SYN2: variants seen among roughly 807,000 people sequenced by gnomAD.
The protein encoded by SYN2 is synapsin II, also known as synapsin-2.
Under a neutral mutation model 50.9 loss-of-function variants are expected in SYN2, and 19 were observed. The observed-to-expected ratio is 0.37, with a 90% CI of 0.26 to 0.55. The LOEUF is 0.55. Ranked by LOEUF, SYN2 falls within the 20% of genes least tolerant of loss-of-function variation. The pLI, the probability that SYN2 is intolerant of heterozygous loss-of-function variation, is 0.81. For synonymous variants in SYN2, 255 were observed against 224.9 expected, an observed-to-expected ratio of 1.13 and a Z score of -1.20; for missense variants, 587 against 576.4, an observed-to-expected ratio of 1.02 and a Z score of -0.19.
At chr3:12,165,012 G>A (rs1213374291) in intron 7 of SYN2, among the ~76,000 whole-genome samples, 1 of 118,856 alleles carries the variant, frequency 8.4e-6, no homozygotes, top group Non-Finnish European at 1.6e-5. Context: ...TTTTGAGACA[G>A]AGTCTCGCTC....
intron 1 of SYN2, among the ~76,000 whole-genome samples, chr3:12,084,771 G>A (rs537665794): frequency 6.6e-6 from 1 of 152,224 alleles, no homozygotes; most frequent in South Asian, 2.1e-4. Flanking sequence ...ATGGAAGAAG[G>A]AGTAAAAGTT....
At chr3:12,164,449 C>T (rs939151201) in intron 7 of SYN2, among the ~76,000 whole-genome samples, 3 of 152,198 alleles carry the variant, frequency 2.0e-5, no homozygotes, top group Admixed American at 2.0e-4. Flanking sequence ...CTTAGCTTCT[C>T]CTCACCACAC....
intron 1 of SYN2, among the ~76,000 whole-genome samples, chr3:12,139,250 C>T (rs795092): frequency 0.64 from 97,114 of 152,064 alleles, 33,631 homozygotes; most frequent in South Asian, 0.78. Flanking sequence ...GGCCTCGTCC[C>T]GGGTAGTTGA....
Position 12,162,167 on chromosome 3 carries a change from G to A in SYN2, c.980+13G>A. 6.2e-6 allele frequency: 10 copies of A among 1,613,626 alleles called. No individual in the cohort carries two copies. Among genetic ancestry groups the A allele is most frequent in the African/African-American group, 2.7e-5 (2 of 75,022 alleles). On this transcript the variant is annotated intron_variant, in intron 7 of 12. Transcript: ENST00000621198. ...ACAAGGCTTACATGTGAGTAAGAGT[G>A]GGGTATGTTTTCTCCTCAGTGATGA...
intron 10 of SYN2, among the ~76,000 whole-genome samples, chr3:12,176,303 T>C (rs1368377553): frequency 1.3e-5 from 2 of 152,220 alleles, no homozygotes; most frequent in African/African-American, 4.8e-5. Flanking sequence ...CTCTCCTTCA[T>C]GTGGCTAATG....
At chr3:12,012,173 T>A (rs902956841) in intron 1 of SYN2, among the ~76,000 whole-genome samples, 1 of 152,004 alleles carries the variant, frequency 6.6e-6, no homozygotes, top group Non-Finnish European at 1.5e-5. Flanking sequence ...TTTTTTTTTT[T>A]AATGACAAAA....
In SYN2 at chr3:12,185,467, G is replaced by C. The variant is rs971009004; in HGVS notation, c.1370-1902G>C. The C allele has an allele frequency of 6.1e-6, 6 of 985,700 alleles. No individual in the cohort carries two copies. The African/African-American group carries it at 1.0e-4, about 17-fold the overall frequency. 61.1% of individuals were successfully genotyped at this position (985,700 alleles called of 1,614,324 possible). A position where few individuals can be genotyped will look rare whatever the true frequency, so the allele number is the denominator to read the frequency against. On this transcript the variant is annotated intron_variant, in intron 11 of 12. Transcript: ENST00000621198. ...TTGGTTAGGGCTCCCACTGCCAAAT[G>C]CAAGCAGATAGCATAACCTGACTGT...
At chr3:12,176,606 T>C (rs2125249535) in intron 10 of SYN2, among the ~76,000 whole-genome samples, 1 of 152,318 alleles carries the variant, frequency 6.6e-6, no homozygotes, top group East Asian at 1.9e-4. Context: ...TCAGAGCACA[T>C]CTGAAATGTT....
chr3:12,098,557 CT>C (rs1695994255), intron 1 of SYN2, among the ~76,000 whole-genome samples: 1 of 151,532 alleles, frequency 6.6e-6, no homozygotes, highest in Non-Finnish European at 1.5e-5. Context: ...AAGAAAGTAA[CT>C]TTTTAAAAAA....
At chr3:12,106,460 C>G (rs372587140) in intron 1 of SYN2, among the ~76,000 whole-genome samples, 1 of 152,262 alleles carries the variant, frequency 6.6e-6, no homozygotes, top group South Asian at 2.1e-4. Context: ...GAAACTCTGC[C>G]TATCACATTT....
chr3:12,130,528 C>T (rs192867417), intron 1 of SYN2, among the ~76,000 whole-genome samples: 259 of 152,204 alleles, frequency 1.7e-3, no homozygotes, highest in Non-Finnish European at 3.1e-3. Flanking sequence ...AAATGATGTC[C>T]ATCCTCAGTG....
chr3:12,056,929 A>G (rs1234435519), intron 1 of SYN2, among the ~76,000 whole-genome samples: 3 of 152,206 alleles, frequency 2.0e-5, no homozygotes, highest in African/African-American at 4.8e-5. Flanking sequence ...TCTGTTATAT[A>G]AAAGACTGGT....
intron 1 of SYN2, among the ~76,000 whole-genome samples, chr3:12,127,089 T>G (rs1053511363): frequency 6.6e-6 from 1 of 152,210 alleles, no homozygotes; most frequent in African/African-American, 2.4e-5. Context: ...ACAACAGCAC[T>G]ACATAATGAA....
chr3:12,012,830 C>G (rs1219846166), intron 1 of SYN2, among the ~76,000 whole-genome samples: 1 of 152,144 alleles, frequency 6.6e-6, no homozygotes, highest in Non-Finnish European at 1.5e-5. Context: ...CTACTGATTG[C>G]TCTTTCTATG....
chr3:12,082,722 A>G (rs1695609365), intron 1 of SYN2, among the ~76,000 whole-genome samples: 1 of 152,134 alleles, frequency 6.6e-6, no homozygotes, highest in Non-Finnish European at 1.5e-5. Context: ...CCCTTGATAT[A>G]TATTATAGTT....
At chr3:12,127,038 G>A (rs1268312998) in intron 1 of SYN2, among the ~76,000 whole-genome samples, 1 of 152,090 alleles carries the variant, frequency 6.6e-6, no homozygotes, top group South Asian at 2.1e-4. Flanking sequence ...AAATTAATTA[G>A]AATTACAATA....
chr3:12,100,858 C>T (rs983990533), intron 1 of SYN2, among the ~76,000 whole-genome samples: 3 of 152,016 alleles, frequency 2.0e-5, no homozygotes, highest in East Asian at 1.9e-4. Context: ...TGAACATCTA[C>T]GTGTCAAGTA....
intron 3 of SYN2, among the ~76,000 whole-genome samples, chr3:12,143,686 C>T (rs60965409): frequency 6.6e-6 from 1 of 152,204 alleles, no homozygotes; most frequent in East Asian, 1.9e-4. Context: ...TCCAGTCATC[C>T]ACTGATGGAT....
At chr3:12,180,986 G>T (rs569298225) in intron 10 of SYN2, among the ~76,000 whole-genome samples, 2 of 152,302 alleles carry the variant, frequency 1.3e-5, no homozygotes, top group East Asian at 3.9e-4. Flanking sequence ...CATTCATCCA[G>T]TCAATCTCAT....
Sources: gnomAD v4.1 joint callset for allele counts (sites outside exome capture counted in the v4.1 genomes callset) on GRCh38, gnomAD v4.1.1 for gene constraint, MANE v1.5 for transcripts, NCBI Gene and HGNC (gene_info 2026-07-23, HGNC 2026-07-21) for gene names.